The following SLCO4A1 variants were observed in gnomAD, a reference collection of about 807,000 sequenced individuals.
The protein encoded by SLCO4A1 is colon organic anion transporter.
A neutral mutation model predicts 64.6 loss-of-function variants in SLCO4A1; 51 were observed. The ratio of observed to expected loss-of-function variants is 0.79; its 90% CI spans 0.63 to 1.00. The LOEUF (loss-of-function observed/expected upper bound fraction) is 1.00. Among genes scored for constraint, SLCO4A1 ranks in the 50% least tolerant of loss-of-function variants. SLCO4A1 has a pLI of 0.00. For missense variants in SLCO4A1, 919 were observed against 980.5 expected (o/e 0.94, Z 0.84); for synonymous variants, 471 against 444.9 (o/e 1.06, Z -0.74).
chr20:62,646,582 A>G (rs1291260064), intron 1 of SLCO4A1, among the ~76,000 whole-genome samples: 1 of 152,258 alleles, frequency 6.6e-6, no homozygotes, highest in Non-Finnish European at 1.5e-5. Flanking sequence ...CCAGGGCAGC[A>G]GTGGGGACCT....
In SLCO4A1 at chr20:62,667,691, G is replaced by C; in HGVS notation, c.1473-54G>C. On this transcript the variant is annotated intron_variant, in intron 7 of 11. Coordinates refer to ENST00000217159, the MANE Select transcript of SLCO4A1 (RefSeq NM_016354.4). Reference sequence around the variant, plus strand: ...CCATGGCTGACCCTGTGCCTGCTGGGCGCCAGCATGGCTCTGGCCTGGACC... The same window carrying C: ...CCATGGCTGACCCTGTGCCTGCTGGCCGCCAGCATGGCTCTGGCCTGGACC... 1.9e-6 allele frequency: 3 copies of C among 1,548,910 alleles called. 1 individual carries two copies. Among genetic ancestry groups the C allele is most frequent in the Non-Finnish European group, 2.6e-6 (3 of 1,142,402 alleles).
At position 62,685,367 on chromosome 20, in the gene SLCO4A1, C is replaced by T; in HGVS notation, n.212-74C>T. ...GGGTGGGTTCGTGGGGCAACTGCAC[C>T]CGCTCCCTTCCACTCTGCTGTGGCC... On this transcript the variant is annotated intron_variant and non_coding_transcript_variant, in intron 2 of 2. Transcript: ENST00000466818. The surrounding 1 kb of genome is among the most constrained non-coding windows in gnomAD (Gnocchi z 4.6). 1.2e-6 allele frequency: 1 copy of T among 843,298 alleles called. No homozygotes were observed. The highest frequency in any genetic ancestry group is 1.4e-6 in the Non-Finnish European group (1 of 700,266). The allele number at this position is 843,298 out of a possible 1,614,324, so 52.2% of individuals were successfully genotyped here. A position where few individuals can be genotyped will look rare whatever the true frequency, so the allele number is the denominator to read the frequency against.
rs1987308305 is a variant in SLCO4A1, at chr20:62,672,092, A to C, written c.*199A>C. 6.9e-7 allele frequency: 1 copy of C among 1,454,878 alleles called. No homozygotes were observed. Among genetic ancestry groups the C allele is most frequent in the Admixed American group, 2.4e-5 (1 of 40,992 alleles). The allele number at this position is 1,454,878 out of a possible 1,614,324, so 90.1% of individuals were successfully genotyped here. A position where few individuals can be genotyped will look rare whatever the true frequency, so the allele number is the denominator to read the frequency against. Reference sequence around the variant, plus strand: ...GTGGGTGGGAGGAACTTGCATAAATATATATTTATGGACACACAGTTTGCA... The same window carrying C: ...GTGGGTGGGAGGAACTTGCATAAATCTATATTTATGGACACACAGTTTGCA... On this transcript the variant is annotated 3_prime_UTR_variant, in exon 12 of 12. Coordinates refer to ENST00000217159, the MANE Select transcript of SLCO4A1 (RefSeq NM_016354.4).
At chr20:62,662,808 A>AC (rs1186473039) in intron 5 of SLCO4A1, among the ~76,000 whole-genome samples, 6 of 128,252 alleles carry the variant, frequency 4.7e-5, no homozygotes, top group Non-Finnish European at 6.7e-5. Context: ...ACACGCCAGA[A>AC]CCCCCCCAGG....
chr20:62,666,701 G>A (rs1435349345), intron 7 of SLCO4A1, 126 bp downstream of exon 7: 15 of 835,950 alleles, frequency 1.8e-5, no homozygotes, highest in Admixed American at 4.5e-5. Flanking sequence ...ACAGGACAGC[G>A]GCAAGGGCAA....
intron 8 of SLCO4A1, 36 bp from the exon 9 acceptor site, chr20:62,667,976 T>TC: frequency 6.2e-7 from 1 of 1,613,984 alleles, no homozygotes; most frequent in Non-Finnish European, 8.5e-7. Flanking sequence ...CCCCGTGCCT[T>TC]CCCCTTGTAA....
downstream of SLCO4A1, among the ~76,000 whole-genome samples, chr20:62,687,618 C>T (rs915225172): frequency 1.2e-4 from 19 of 152,246 alleles, no homozygotes; most frequent in Non-Finnish European, 2.4e-4. Context: ...CCCTGCCATC[C>T]CCCGCTCTGG....
intron 2 of SLCO4A1, among the ~76,000 whole-genome samples, chr20:62,679,796 G>A (rs1987746951): frequency 6.6e-6 from 1 of 152,206 alleles, no homozygotes; most frequent in Non-Finnish European, 1.5e-5. Context: ...TCAGGCCCAG[G>A]CCACAGCAGC....
chr20:62,670,179 T>A (rs1163210120), intron 11 of SLCO4A1: 1 of 152,238 alleles, frequency 6.6e-6, no homozygotes, highest in East Asian at 1.9e-4. Context: ...CCAAGCCCTC[T>A]GTGATACGCC....
downstream of SLCO4A1, among the ~76,000 whole-genome samples, chr20:62,690,292 G>C (rs1319106888): frequency 1.3e-5 from 2 of 152,196 alleles, no homozygotes; most frequent in Non-Finnish European, 2.9e-5. Context: ...CAAGTCCTTT[G>C]ATACTCCAGG....
chr20:62,668,464 T>G lies in SLCO4A1; in HGVS notation c.1812-13T>G. On this transcript the variant is annotated splice_polypyrimidine_tract_variant and intron_variant, in intron 9 of 11. Coordinates refer to ENST00000217159, the MANE Select transcript of SLCO4A1 (RefSeq NM_016354.4). ...ACTTCTGTGGGTGCTGACGCTGTGG[T>G]TTTCTATTGCAGATGTGTCCGTGAC... The G allele has an allele frequency of 6.2e-7, 1 of 1,613,424 alleles. No individual in the cohort carries two copies. The highest frequency in any genetic ancestry group is 8.5e-7 in the Non-Finnish European group (1 of 1,179,842).
chr20:62,671,235 G>A (rs570849175), intron 11 of SLCO4A1, among the ~76,000 whole-genome samples: 7 of 152,236 alleles, frequency 4.6e-5, no homozygotes, highest in Non-Finnish European at 1.0e-4. Context: ...AAGCGGGGTG[G>A]CCTGATGTAG....
chr20:62,643,977 C>A (rs1327796595), intron 1 of SLCO4A1, among the ~76,000 whole-genome samples: 1 of 152,224 alleles, frequency 6.6e-6, no homozygotes, highest in Non-Finnish European at 1.5e-5. Flanking sequence ...CTGAAGAGGT[C>A]TGACTCCAGG....
intron 4 of SLCO4A1, 120 bp downstream of exon 4, chr20:62,660,653 C>T: frequency 8.3e-7 from 1 of 1,211,738 alleles, no homozygotes; most frequent in East Asian, 2.3e-5. Flanking sequence ...CTGCGGCACA[C>T]CCTCATTCTC....
chr20:62,656,192 C>T (rs988977899), intron 1 of SLCO4A1, among the ~76,000 whole-genome samples, 167 bp from the exon 2 acceptor site: 2 of 152,252 alleles, frequency 1.3e-5, no homozygotes, highest in African/African-American at 4.8e-5. Flanking sequence ...AGACACAGTG[C>T]CTGGGTGTGG....
rs1419629126 is a variant in SLCO4A1 at position 62,661,170 on chromosome 20, G to A, written c.1116G>A (p.Leu372=). 2 of 1,610,830 alleles carry A rather than the reference G, an allele frequency of 1.2e-6. No homozygotes were observed. Among genetic ancestry groups the A allele is most frequent in the East Asian group, 4.5e-5 (2 of 44,846 alleles). ...NPDFGKTIRD[L]PLSIWLLLKN... is the part of the protein sequence containing the mutation. Reference sequence around the variant, plus strand: ...ACTTTGGGAAAACCATCAGAGACCTGCCTCTGTAAGGACCGGAGTCGGGAG... The same window carrying A: ...ACTTTGGGAAAACCATCAGAGACCTACCTCTGTAAGGACCGGAGTCGGGAG... Residue 372 remains leucine (L), a synonymous_variant, in exon 5 of 12, where the codon CTG becomes CTA. Transcript: ENST00000217159. This position sits in a 1 kb window ranked among gnomAD's most constrained non-coding sequence, Gnocchi z 5.2.
At chr20:62,651,044 G>A (rs1982391037) in intron 1 of SLCO4A1, among the ~76,000 whole-genome samples, 1 of 152,172 alleles carries the variant, frequency 6.6e-6, no homozygotes, top group South Asian at 2.1e-4. Context: ...GCATGAATGT[G>A]GGACCCTCCT....
At chr20:62,654,744 G>A (rs1202073855) in intron 1 of SLCO4A1, among the ~76,000 whole-genome samples, 3 of 152,174 alleles carry the variant, frequency 2.0e-5, no homozygotes, top group Admixed American at 2.0e-4. Context: ...GTGATACAAT[G>A]TGGCCCAATA....
downstream of SLCO4A1, among the ~76,000 whole-genome samples, chr20:62,673,559 A>G (rs1987431336): frequency 7.0e-6 from 1 of 143,710 alleles, no homozygotes; most frequent in Non-Finnish European, 1.6e-5. Context: ...AGAGACCACG[A>G]CACTGCCCAG....
Sources: gnomAD v4.1 joint callset for allele counts (sites outside exome capture counted in the v4.1 genomes callset) on GRCh38, gnomAD v4.1.1 for gene constraint, Gnocchi (gnomAD v3.1) non-coding constraint, MANE v1.5 for transcripts, NCBI Gene and HGNC (gene_info 2026-07-23, HGNC 2026-07-21) for gene names.